The following GON4L variants were observed in gnomAD, a reference collection of about 807,000 sequenced individuals.
GON4L encodes GON-4-like protein.
In GON4L, 87 loss-of-function variants were observed where a neutral mutation model predicts 211.8. That is an observed-to-expected ratio of 0.41 (90% CI 0.35 to 0.49). GON4L has a LOEUF of 0.49. Ranked by LOEUF, GON4L falls within the 20% of genes least tolerant of loss-of-function variation. The probability of loss-of-function intolerance (pLI) is 0.15; values close to 1 mark genes in which losing one functional copy is unlikely to be tolerated. For synonymous variants in GON4L, 875 were observed against 962.6 expected, an observed-to-expected ratio of 0.91 and a Z score of 1.68; for missense variants, 2,155 against 2,659.5, an observed-to-expected ratio of 0.81 and a Z score of 4.17.
chr1:155,746,988 A>G, downstream of GON4L: 1 of 1,589,502 alleles, frequency 6.3e-7, no homozygotes, highest in Middle Eastern at 1.7e-4. Context: ...TTTTGGGAAA[A>G]AGCACTCCTT....
At chr1:155,746,915 T>G (rs481110), downstream of GON4L, 7 of 1,554,618 alleles carry the variant, frequency 4.5e-6, no homozygotes, top group Admixed American at 1.7e-5. Flanking sequence ...TGCCACAACC[T>G]GAGGGTCTCC....
intron 10 of GON4L, among the ~76,000 whole-genome samples, chr1:155,810,875 G>A (rs1212470331): frequency 2.0e-5 from 3 of 151,518 alleles, no homozygotes; most frequent in Non-Finnish European, 2.9e-5. Flanking sequence ...ATTAGCTGGC[G>A]TAGTGGTGTG....
intron 12 of GON4L, among the ~76,000 whole-genome samples, chr1:155,787,126 G>A (rs1665028182): frequency 6.6e-6 from 1 of 151,542 alleles, no homozygotes; most frequent in South Asian, 2.1e-4. Flanking sequence ...GTTTCACCAT[G>A]GTCTCGATCT....
chr1:155,784,254 C>T, intron 13 of GON4L, 165 bp from the exon 14 acceptor site: 2 of 912,944 alleles, frequency 2.2e-6, no homozygotes, highest in South Asian at 1.5e-5. Context: ...CCCACAAACC[C>T]ACACTTGGGA....
downstream of GON4L, chr1:155,748,469 C>G (rs1309226170): frequency 2.4e-5 from 39 of 1,610,510 alleles, no homozygotes; most frequent in Non-Finnish European, 3.2e-5. Context: ...TCCTTATCGC[C>G]TGTGTTCCTC....
intron 10 of GON4L, among the ~76,000 whole-genome samples, chr1:155,808,270 C>T (rs1367496185): frequency 6.6e-6 from 1 of 152,052 alleles, no homozygotes; most frequent in Non-Finnish European, 1.5e-5. Flanking sequence ...AACTCCTGAC[C>T]TCAGGTGATC....
At chr1:155,800,348 A>G (rs1325036267) in intron 11 of GON4L, among the ~76,000 whole-genome samples, 1 of 149,528 alleles carries the variant, frequency 6.7e-6, no homozygotes, top group African/African-American at 2.5e-5. Context: ...ACTTGAGATC[A>G]GGAGTTTAAG....
chr1:155,776,478 C>T lies in GON4L; in HGVS notation c.2095G>A (p.Val699Ile), dbSNP rs769827757. The part of the protein sequence containing the change: ...KRLQQQMQQH[V>I]QLLTQIHLLA... ...AGGTGGATTTGGGTCAAGAGCTGAA[C>T]GTGCTGGGGATGGAAAGAAAATGAT... The change falls in exon 16 of 32, where the codon GTT becomes ATT. Residue 699 changes from valine to isoleucine, a missense_variant. By Grantham distance (29) the Val-to-Ile change is conservative. Around this residue, in one of 6 missense-constraint regions of GON4L, gnomAD observed 551 missense variants for 854.0 expected, o/e 0.65. Coordinates refer to ENST00000368331, the MANE Select transcript of GON4L (RefSeq NM_001282860.2). 1.4e-5 allele frequency: 22 copies of T among 1,608,992 alleles called. No homozygotes were observed. The highest frequency in any genetic ancestry group is 3.3e-5 in the Admixed American group (2 of 59,952).
At chr1:155,807,732 CAG>C (rs1667289613) in intron 10 of GON4L, among the ~76,000 whole-genome samples, 1 of 82,950 alleles carries the variant, frequency 1.2e-5, no homozygotes. Flanking sequence ...AAAAGAAAAT[CAG>C]AAAGTGTGAG....
chr1:155,751,652 C>T (rs1268439524), intron 31 of GON4L, 115 bp downstream of exon 31: 1 of 729,660 alleles, frequency 1.4e-6, no homozygotes, highest in Non-Finnish European at 2.4e-6. Context: ...TAGATCAAAC[C>T]TTTACAAAAA....
intron 2 of GON4L, among the ~76,000 whole-genome samples, chr1:155,852,451 G>A (rs1280957373): frequency 6.6e-6 from 1 of 152,202 alleles, no homozygotes; most frequent in East Asian, 1.9e-4. Flanking sequence ...TGGAATGAAA[G>A]GGATACAATG....
intron 1 of GON4L, among the ~76,000 whole-genome samples, chr1:155,854,407 G>A (rs1228478583): frequency 1.3e-5 from 2 of 152,100 alleles, no homozygotes; most frequent in Non-Finnish European, 2.9e-5. Context: ...CACCCGCCTC[G>A]GCCTCCCAAA....
chr1:155,825,157 T>C (rs1669079403), intron 3 of GON4L, among the ~76,000 whole-genome samples: 1 of 151,580 alleles, frequency 6.6e-6, no homozygotes, highest in Non-Finnish European at 1.5e-5. Context: ...GAGCAGTACC[T>C]ATCTCTAAAA....
chr1:155,752,668 G>A (rs1026137733), intron 29 of GON4L, 78 bp from the exon 30 acceptor site: 84 of 1,544,882 alleles, frequency 5.4e-5, no homozygotes, highest in Non-Finnish European at 7.2e-5. Context: ...CTGTGGCCAG[G>A]TACTGTGCAA....
Position 155,775,052 on chromosome 1 carries a change from C to T in GON4L, c.2300G>A (p.Ser767Asn). Residue 767 changes from serine (S) to asparagine (N), a missense_variant, in exon 17 of 32, where the codon AGC becomes AAC. Transcript: ENST00000368331. ...MGAMQLIEDF[S>N]THVSIDCSPH... is the part of the protein sequence containing the mutation. ...GCTGCAGTCAATGCTGACATGTGTG[C>T]TGAAGTCTTCAATCAGCTGCATAGC... The T allele has an allele frequency of 2.5e-6, 4 of 1,613,326 alleles. No homozygotes were observed. In the South Asian group the frequency reaches 3.3e-5, roughly 13 times the overall value.
At chr1:155,747,730 C>G (rs752921048), downstream of GON4L, 781 of 1,613,752 alleles carry the variant, frequency 4.8e-4, no homozygotes, top group Non-Finnish European at 6.0e-4. Flanking sequence ...TCTCATCCTG[C>G]TAACTATCTT....
chr1:155,760,645 C>A lies in GON4L; in HGVS notation c.4912-4G>T, dbSNP rs537377905. ...TATGTTGTAGGGCTTCTCGCACCTA[C>A]ACGGGAAGACTTTCAATCATCAACA... On this transcript the variant is annotated splice_region_variant and splice_polypyrimidine_tract_variant and intron_variant, in intron 23 of 31. Coordinates refer to ENST00000368331, the MANE Select transcript of GON4L (RefSeq NM_001282860.2). 1.2e-6 allele frequency: 2 copies of A among 1,600,498 alleles called. No individual in the cohort carries two copies. The highest frequency in any genetic ancestry group is 1.7e-6 in the Non-Finnish European group (2 of 1,167,722).
At chr1:155,849,404 C>T (rs1236558323) in intron 2 of GON4L, among the ~76,000 whole-genome samples, 1 of 151,536 alleles carries the variant, frequency 6.6e-6, no homozygotes, top group African/African-American at 2.4e-5. Context: ...ATTAGCCAAG[C>T]GTGGTGGCGG....
chr1:155,798,576 ATTTTTTTTT>A (rs34273258), intron 11 of GON4L, among the ~76,000 whole-genome samples: 1 of 89,542 alleles, frequency 1.1e-5, no homozygotes, highest in Non-Finnish European at 2.0e-5. Context: ...CGTCAGGCTA[ATTTTTTTTT>A]TTTTTTTTTT....
Sources: allele counts gnomAD v4.1 joint callset (sites outside exome capture counted in the v4.1 genomes callset), GRCh38; gene constraint gnomAD v4.1.1; regional missense constraint gnomAD v4.1.1; transcripts MANE v1.5; gene names NCBI Gene and HGNC (gene_info 2026-07-23, HGNC 2026-07-21).